The following RIMS2 variants were observed in gnomAD, a reference collection of about 807,000 sequenced individuals.
RIMS2 encodes regulating synaptic membrane exocytosis 2.
A neutral mutation model predicts 174.4 loss-of-function variants in RIMS2; 59 were observed. The ratio of observed to expected loss-of-function variants is 0.34; its 90% CI spans 0.27 to 0.42. RIMS2 has a LOEUF of 0.42. Ranked by LOEUF, RIMS2 falls within the 10% of genes least tolerant of loss-of-function variation. RIMS2 has a pLI of 1.00. For synonymous variants in RIMS2, 606 were observed against 572.5 expected (o/e 1.06, Z -0.84); for missense variants, 1,620 against 1,666.3 (o/e 0.97, Z 0.48).
chr8:104,202,449 T>G (rs2099059810), intron 19 of RIMS2, among the ~76,000 whole-genome samples: 1 of 152,190 alleles, frequency 6.6e-6, no homozygotes, highest in Admixed American at 6.5e-5. Context: ...AAGCTAAAGA[T>G]TATAGGACAC....
At chr8:103,606,367 A>G (rs2133973163) in intron 1 of RIMS2, among the ~76,000 whole-genome samples, 1 of 151,604 alleles carries the variant, frequency 6.6e-6, no homozygotes, top group East Asian at 1.9e-4. Flanking sequence ...TCTGAGAGAT[A>G]GTTTGTTATA....
At chr8:103,552,784 A>C (rs1316947879) in intron 1 of RIMS2, among the ~76,000 whole-genome samples, 1 of 152,230 alleles carries the variant, frequency 6.6e-6, no homozygotes, top group Non-Finnish European at 1.5e-5. Context: ...AAGTGGGCAA[A>C]GGATATGAAC....
At chr8:103,784,926 G>T (rs1386330206) in intron 3 of RIMS2, among the ~76,000 whole-genome samples, 2 of 138,238 alleles carry the variant, frequency 1.4e-5, no homozygotes, top group Admixed American at 1.5e-4. Flanking sequence ...CCATTTGTTT[G>T]TATCCTCTTT....
chr8:104,087,344 A>G (rs1461087921), intron 19 of RIMS2, among the ~76,000 whole-genome samples: 1 of 152,142 alleles, frequency 6.6e-6, no homozygotes, highest in East Asian at 1.9e-4. Flanking sequence ...TACATTACAA[A>G]TAGATGGCTA....
intron 1 of RIMS2, among the ~76,000 whole-genome samples, chr8:103,653,269 C>T (rs548361703): frequency 2.6e-5 from 4 of 152,292 alleles, no homozygotes; most frequent in Admixed American, 6.5e-5. Flanking sequence ...TATATTCTCA[C>T]ACTGACCTGA....
intron 19 of RIMS2, among the ~76,000 whole-genome samples, chr8:104,055,577 A>G (rs958459462): frequency 1.3e-5 from 2 of 152,094 alleles, no homozygotes; most frequent in Non-Finnish European, 2.9e-5. Flanking sequence ...CTCTGAGGGA[A>G]TTTTCATTTT....
At chr8:103,792,766 A>G (rs907998600) in intron 3 of RIMS2, among the ~76,000 whole-genome samples, 1 of 152,066 alleles carries the variant, frequency 6.6e-6, no homozygotes, top group African/African-American at 2.4e-5. Flanking sequence ...ACCAAACCCA[A>G]GGAAATACAA....
intron 1 of RIMS2, among the ~76,000 whole-genome samples, chr8:103,644,689 CAT>C (rs1431313435): frequency 3.3e-5 from 5 of 150,642 alleles, no homozygotes; most frequent in East Asian, 1.9e-4. Flanking sequence ...TTATTTAAAA[CAT>C]AAATATAAAA....
At chr8:103,581,567 G>C (rs970446462) in intron 1 of RIMS2, among the ~76,000 whole-genome samples, 7 of 152,178 alleles carry the variant, frequency 4.6e-5, no homozygotes, top group Non-Finnish European at 8.8e-5. Flanking sequence ...TGCGGAACAA[G>C]ACAAGGATGC....
At chr8:103,727,579 A>G (rs1195567042) in intron 2 of RIMS2, among the ~76,000 whole-genome samples, 1 of 152,118 alleles carries the variant, frequency 6.6e-6, no homozygotes, top group South Asian at 2.1e-4. Flanking sequence ...CCTATCTGGT[A>G]GTAGTTTCAT....
chr8:103,632,292 G>A (rs1163644520), intron 1 of RIMS2, among the ~76,000 whole-genome samples: 1 of 152,110 alleles, frequency 6.6e-6, no homozygotes, highest in East Asian at 1.9e-4. Flanking sequence ...ATTTTAAGGT[G>A]TGCTCCTTCA....
intron 3 of RIMS2, among the ~76,000 whole-genome samples, chr8:103,867,887 G>A (rs2099091240): frequency 6.6e-6 from 1 of 151,974 alleles, no homozygotes; most frequent in Non-Finnish European, 1.5e-5. Flanking sequence ...ACTTTCTGGA[G>A]ATGCCTGCTA....
At position 103,598,646 on chromosome 8, in the gene RIMS2, T is replaced by C. The variant is rs1485872989; in HGVS notation, c.176+97584T>C. 5.9e-5 allele frequency among the ~76,000 whole-genome samples: 9 copies of C among 152,184 alleles called. No homozygotes were observed. The East Asian group carries it at 1.2e-3, about 20-fold the overall frequency. ...CCTGGCGAAGGACATTATTATTTGT[T>C]ACTTGCCCAATTGGGGAGTGTTCTT... On this transcript the variant is annotated intron_variant, in intron 1 of 23. Transcript: ENST00000504942.
chr8:103,788,226 A>G (rs2098462455), intron 3 of RIMS2, among the ~76,000 whole-genome samples: 7 of 150,638 alleles, frequency 4.6e-5, no homozygotes, highest in South Asian at 4.2e-4. Flanking sequence ...ATGTCCTCCC[A>G]TAGCTCAGAG....
chr8:104,085,978 G>A (rs1410220067), intron 19 of RIMS2, among the ~76,000 whole-genome samples: 1 of 152,050 alleles, frequency 6.6e-6, no homozygotes, highest in Non-Finnish European at 1.5e-5. Flanking sequence ...TCATTACTTG[G>A]TAATTAAAAT....
Position 103,886,619 on chromosome 8 carries a change from A to T in RIMS2, c.1624+396A>T, listed in dbSNP as rs999217264. ...CCTCAAAGCATAAAGAATGAAATGC[A>T]AGTTATCCATATTTCTTCCCCCAGA... On this transcript the variant is annotated intron_variant, in intron 4 of 23. Transcript: ENST00000504942. Among the ~76,000 whole-genome samples the T allele has an allele frequency of 3.9e-5, 6 of 151,920 alleles. No homozygotes were observed. In the East Asian group the frequency reaches 9.7e-4, roughly 25 times the overall value.
At chr8:103,789,872 C>T (rs546356656) in intron 3 of RIMS2, among the ~76,000 whole-genome samples, 152 of 150,844 alleles carry the variant, frequency 1.0e-3, no homozygotes, top group Middle Eastern at 3.4e-3. Flanking sequence ...TCCTCCTCAG[C>T]GTCCCAAATA....
intron 1 of RIMS2, among the ~76,000 whole-genome samples, chr8:103,530,323 A>T (rs1836419335): frequency 6.6e-6 from 1 of 152,148 alleles, no homozygotes; most frequent in South Asian, 2.1e-4. Context: ...TTAATTAATT[A>T]AAAAAGACAA....
chr8:104,156,838 T>C (rs2098727293), intron 19 of RIMS2, among the ~76,000 whole-genome samples: 1 of 152,198 alleles, frequency 6.6e-6, no homozygotes, highest in Non-Finnish European at 1.5e-5. Context: ...TTGAACAGCA[T>C]TCAGACCAGG....
Sources: allele counts gnomAD v4.1 joint callset (sites outside exome capture counted in the v4.1 genomes callset), GRCh38; gene constraint gnomAD v4.1.1; transcripts MANE v1.5; gene names NCBI Gene and HGNC (gene_info 2026-07-23, HGNC 2026-07-21).